The following ZNF385D variants were observed in gnomAD, a reference collection of about 807,000 sequenced individuals.
The protein encoded by ZNF385D is zinc finger protein 385D, also known as zinc finger protein 659.
Under a neutral mutation model 35.8 loss-of-function variants are expected in ZNF385D, and 15 were observed. The ratio of observed to expected loss-of-function variants is 0.42; its 90% confidence interval spans 0.28 to 0.64. The LOEUF (loss-of-function observed/expected upper bound fraction) is 0.64. ZNF385D is among the 30% of genes least tolerant of loss of function. The probability of loss-of-function intolerance (pLI) is 0.23; values close to 1 mark genes in which losing one functional copy is unlikely to be tolerated. For missense variants in ZNF385D, 474 were observed against 494.6 expected (o/e 0.96, Z 0.39); for synonymous variants, 212 against 186.8 (o/e 1.13, Z -1.10).
chr3:21,869,995 C>T (rs1020626003), intron 3 of ZNF385D, among the ~76,000 whole-genome samples: 1 of 151,554 alleles, frequency 6.6e-6, no homozygotes, highest in Non-Finnish European at 1.5e-5. Flanking sequence ...TTTTTATATC[C>T]CACTGTGGAT....
chr3:21,705,661 A>T (rs2067868951), intron 1 of ZNF385D, among the ~76,000 whole-genome samples: 1 of 152,228 alleles, frequency 6.6e-6, no homozygotes, highest in Admixed American at 6.5e-5. Context: ...AGAGAATAAA[A>T]GACTTGTCCA....
Position 21,885,776 on chromosome 3 carries a change from G to A in ZNF385D, c.326-220748C>T, listed in dbSNP as rs1178379208. 2.7e-5 allele frequency among the ~76,000 whole-genome samples: 4 copies of A among 146,348 alleles called. No individual in the cohort carries two copies. In the East Asian group the frequency reaches 8.1e-4, roughly 30 times the overall value. On this transcript the variant is annotated intron_variant, in intron 3 of 5. Transcript: ENST00000494108. ...TGTGTGTGTGTGTGTGTGTGTGTGTGTAGAAAGAAAGAGAGACCGATTTAT... is the reference window on the plus strand; with the variant it reads ...TGTGTGTGTGTGTGTGTGTGTGTGTATAGAAAGAAAGAGAGACCGATTTAT...
intron 3 of ZNF385D, among the ~76,000 whole-genome samples, chr3:21,525,729 G>A (rs1485988933): frequency 2.8e-5 from 4 of 143,844 alleles, no homozygotes; most frequent in Non-Finnish European, 3.1e-5. Context: ...TGACTTTGCA[G>A]ACATTAAAAA....
At chr3:21,568,340 G>T (rs1285166664) in intron 2 of ZNF385D, among the ~76,000 whole-genome samples, 1 of 151,956 alleles carries the variant, frequency 6.6e-6, no homozygotes, top group Non-Finnish European at 1.5e-5. Context: ...CAAATCAGGG[G>T]ACACACACAC....
Position 21,876,117 on chromosome 3 carries a change from A to G in ZNF385D, c.326-211089T>C, listed in dbSNP as rs543303268. Among the ~76,000 whole-genome samples the G allele has an allele frequency of 2.6e-5, 4 of 152,264 alleles. 1 individual carries two copies. The highest frequency in any genetic ancestry group is 7.2e-5 in the African/African-American group (3 of 41,574). On this transcript the variant is annotated intron_variant, in intron 3 of 5. Transcript: ENST00000494108. Reference sequence around the variant, plus strand: ...AATATAATATTCAGTTTAAGCTGTGATATCAGGAATGATATTGTTTGCATC... The same window carrying G: ...AATATAATATTCAGTTTAAGCTGTGGTATCAGGAATGATATTGTTTGCATC...
At chr3:22,353,845 C>T (rs1176774616) in intron 2 of ZNF385D, among the ~76,000 whole-genome samples, 1 of 152,128 alleles carries the variant, frequency 6.6e-6, no homozygotes, top group African/African-American at 2.4e-5. Flanking sequence ...AAACATCTCA[C>T]TTGCCAACCT....
intron 3 of ZNF385D, among the ~76,000 whole-genome samples, chr3:22,115,725 G>A (rs1258470473): frequency 1.3e-5 from 2 of 152,020 alleles, no homozygotes; most frequent in African/African-American, 2.4e-5. Context: ...TGTAGTAGTA[G>A]ATTTCCTAAT....
At chr3:21,747,386 A>G (rs1048082169) in intron 1 of ZNF385D, among the ~76,000 whole-genome samples, 1 of 152,160 alleles carries the variant, frequency 6.6e-6, no homozygotes, top group African/African-American at 2.4e-5. Context: ...CTATAAGCTT[A>G]CCACAGTCTC....
At chr3:22,147,742 C>A (rs1341640579) in intron 3 of ZNF385D, among the ~76,000 whole-genome samples, 1 of 152,124 alleles carries the variant, frequency 6.6e-6, no homozygotes, top group Non-Finnish European at 1.5e-5. Flanking sequence ...AATATTTTCT[C>A]CACAATGAAA....
At chr3:21,777,364 C>T (rs750518993) in intron 3 of ZNF385D, among the ~76,000 whole-genome samples, 2 of 151,908 alleles carry the variant, frequency 1.3e-5, no homozygotes, top group Non-Finnish European at 2.9e-5. Context: ...TCCCTAAATG[C>T]CCTCTCTCTC....
chr3:22,195,384 A>AT (rs1182892679), intron 2 of ZNF385D, among the ~76,000 whole-genome samples: 1 of 151,898 alleles, frequency 6.6e-6, no homozygotes, highest in Non-Finnish European at 1.5e-5. Context: ...AAACATATAT[A>AT]TATTTTTTCT....
chr3:22,361,966 C>G (rs1696428458), intron 2 of ZNF385D, among the ~76,000 whole-genome samples: 1 of 151,656 alleles, frequency 6.6e-6, no homozygotes, highest in African/African-American at 2.4e-5. Flanking sequence ...ACATTTTGCT[C>G]TAAATAGACA....
intron 2 of ZNF385D, among the ~76,000 whole-genome samples, chr3:22,258,616 T>G (rs1271198505): frequency 6.6e-6 from 1 of 151,702 alleles, no homozygotes; most frequent in Non-Finnish European, 1.5e-5. Flanking sequence ...TTCAAACTTT[T>G]TGGTCTCAGA....
Position 22,089,650 on chromosome 3 carries a change from C to A in ZNF385D, c.325+79167G>T, listed in dbSNP as rs1701221714. ...GCACCTTCCTCAGTGAGGTTTGGATCTCTGCCCTGAGTAAGGGGGGGATTT... is the reference window on the plus strand; with the variant it reads ...GCACCTTCCTCAGTGAGGTTTGGATATCTGCCCTGAGTAAGGGGGGGATTT... On this transcript the variant is annotated intron_variant, in intron 3 of 5. Transcript: ENST00000494108. 3.3e-5 allele frequency among the ~76,000 whole-genome samples: 5 copies of A among 152,248 alleles called. No homozygotes were observed. The South Asian group carries it at 1.0e-3, about 32-fold the overall frequency.
chr3:21,452,141 T>C (rs1426939307), intron 4 of ZNF385D, among the ~76,000 whole-genome samples: 1 of 152,078 alleles, frequency 6.6e-6, no homozygotes, highest in Non-Finnish European at 1.5e-5. Context: ...TTAAATTTAA[T>C]GTACCATGTC....
At chr3:22,281,500 A>G (rs1223526525) in intron 2 of ZNF385D, among the ~76,000 whole-genome samples, 1 of 151,798 alleles carries the variant, frequency 6.6e-6, no homozygotes, top group African/African-American at 2.4e-5. Context: ...TAATCATGTG[A>G]TTTTTATTTT....
chr3:21,603,011 G>C (rs934905965), intron 2 of ZNF385D, among the ~76,000 whole-genome samples: 1 of 152,116 alleles, frequency 6.6e-6, no homozygotes, highest in Admixed American at 6.5e-5. Context: ...TTATGCCTCT[G>C]TCCATATCAG....
chr3:22,075,127 T>A (rs74499583), intron 3 of ZNF385D, among the ~76,000 whole-genome samples: 1,772 of 152,038 alleles, frequency 0.012, 31 homozygotes, highest in African/African-American at 0.04. Flanking sequence ...GGCCCAAGCA[T>A]TGATACTTTC....
At chr3:21,917,413 C>A (rs577461585) in intron 3 of ZNF385D, among the ~76,000 whole-genome samples, 4 of 149,122 alleles carry the variant, frequency 2.7e-5, no homozygotes, top group East Asian at 4.0e-4. Flanking sequence ...GCCTGGGCAA[C>A]AGAGTGATAC....
Sources: gnomAD v4.1 joint callset for allele counts (sites outside exome capture counted in the v4.1 genomes callset) on GRCh38, gnomAD v4.1.1 for gene constraint, MANE v1.5 for transcripts, NCBI Gene and HGNC (gene_info 2026-07-23, HGNC 2026-07-21) for gene names.